Variants in CAST observed in about 807,000 individuals in gnomAD.
CAST encodes calpastatin, also known as MIR583 host.
A neutral mutation model predicts 119.6 loss-of-function variants in CAST; 76 were observed. The observed-to-expected ratio is 0.64, with a 90% CI of 0.53 to 0.77. The LOEUF is 0.77. Among genes scored for constraint, CAST ranks in the 30% least tolerant of loss-of-function variants. CAST has a pLI of 0.00. For missense variants in CAST, 953 were observed against 946.5 expected (o/e 1.01, Z -0.09); for synonymous variants, 319 against 331.6 (o/e 0.96, Z 0.41).
intron 1 of CAST, among the ~76,000 whole-genome samples, chr5:96,665,887 TATAA>T (rs1471802574): frequency 6.6e-6 from 1 of 151,738 alleles, no homozygotes; most frequent in Non-Finnish European, 1.5e-5. Flanking sequence ...TATCTACAGA[TATAA>T]ATACAGATGT....
chr5:96,062,917 A>G, the CAST span, among the ~76,000 whole-genome samples: 9 of 152,128 alleles, frequency 5.9e-5, no homozygotes, highest in African/African-American at 1.9e-4. Flanking sequence ...AGGGTCAAGA[A>G]TGAGGGCTCA....
At chr5:96,398,426 C>G in the CAST span, among the ~76,000 whole-genome samples, 1 of 152,182 alleles carries the variant, frequency 6.6e-6, no homozygotes. Flanking sequence ...ATAAAATGGC[C>G]TTATTCATGT....
chr5:96,500,012 T>C, the CAST span, among the ~76,000 whole-genome samples: 2 of 151,958 alleles, frequency 1.3e-5, no homozygotes, highest in African/African-American at 4.8e-5. Context: ...GAGGGGCGGG[T>C]CCTTGGAGCA....
the CAST span, among the ~76,000 whole-genome samples, chr5:96,292,144 A>G: frequency 1.3e-5 from 2 of 152,180 alleles, no homozygotes; most frequent in East Asian, 3.9e-4. Flanking sequence ...ATATCACTAC[A>G]AACAGAGGCT....
the CAST span, among the ~76,000 whole-genome samples, chr5:96,340,754 C>T: frequency 6.6e-6 from 1 of 152,156 alleles, no homozygotes; most frequent in Non-Finnish European, 1.5e-5. Context: ...CTTGACTTTA[C>T]AAGAAACTTT....
the CAST span, among the ~76,000 whole-genome samples, chr5:95,993,422 G>T: frequency 6.6e-6 from 1 of 152,146 alleles, no homozygotes; most frequent in Non-Finnish European, 1.5e-5. Context: ...GGGACATTTG[G>T]CAATGTCTGG....
rs3797812 is a variant in CAST, at chr5:96,761,523, G to A, written c.1834-751G>A. 18 of 152,162 alleles carry A rather than the reference G, an allele frequency of 1.2e-4. No individual in the cohort carries two copies. In the East Asian group the frequency reaches 3.2e-3, roughly 27 times the overall value. The allele number at this position is 152,162 out of a possible 1,614,324, so 9.4% of individuals were successfully genotyped here. A position where few individuals can be genotyped will look rare whatever the true frequency, so the allele number is the denominator to read the frequency against. On this transcript the variant is annotated intron_variant, in intron 24 of 31. Transcript: ENST00000675179. ...TTTAATGTGCTTTTCTCCATCTTTTGGTAAAATTTGCAATTCTCCTTTTTC... is the reference window on the plus strand; with the variant it reads ...TTTAATGTGCTTTTCTCCATCTTTTAGTAAAATTTGCAATTCTCCTTTTTC...
chr5:96,619,645 T>C (rs1055732346), intron 1 of CAST, among the ~76,000 whole-genome samples: 1 of 152,170 alleles, frequency 6.6e-6, no homozygotes, highest in Non-Finnish European at 1.5e-5. Flanking sequence ...ACAGCTTCAC[T>C]CCTGAAGCCA....
the CAST span, among the ~76,000 whole-genome samples, chr5:95,980,776 C>T: frequency 6.6e-6 from 1 of 152,136 alleles, no homozygotes; most frequent in African/African-American, 2.4e-5. Context: ...GCAGAGAAGG[C>T]ATGTCAGGCA....
At chr5:95,977,140 G>T in the CAST span, among the ~76,000 whole-genome samples, 1 of 152,164 alleles carries the variant, frequency 6.6e-6, no homozygotes, top group Middle Eastern at 3.2e-3. Flanking sequence ...GTACATTTCT[G>T]CTGCTATAAC....
At chr5:96,660,168 T>C (rs2150206614), upstream of CAST, among the ~76,000 whole-genome samples, 1 of 152,206 alleles carries the variant, frequency 6.6e-6, no homozygotes, top group South Asian at 2.1e-4. Flanking sequence ...GGTGAGTGGG[T>C]TCCTCTTTAT....
the CAST span, among the ~76,000 whole-genome samples, chr5:96,370,134 A>G: frequency 6.6e-6 from 1 of 151,426 alleles, no homozygotes; most frequent in Non-Finnish European, 1.5e-5. Context: ...GTATTAATAT[A>G]TTTTATAGTT....
intron 1 of CAST, among the ~76,000 whole-genome samples, chr5:96,572,976 T>C (rs1055296785): frequency 6.6e-6 from 1 of 152,156 alleles, no homozygotes; most frequent in Non-Finnish European, 1.5e-5. Context: ...AAGATAGAAG[T>C]AAACCAGGCA....
the CAST span, among the ~76,000 whole-genome samples, chr5:96,148,798 G>A: frequency 2.0e-5 from 3 of 152,196 alleles, no homozygotes; most frequent in Non-Finnish European, 2.9e-5. Context: ...AACTATACAC[G>A]GAAGACTGTA....
the CAST span, among the ~76,000 whole-genome samples, chr5:96,497,046 C>T: frequency 1.1e-4 from 14 of 123,672 alleles, no homozygotes; most frequent in African/African-American, 3.4e-4. Context: ...GTGTGTGATG[C>T]TCCCCTTCCT....
chr5:96,261,254 T>G, the CAST span, among the ~76,000 whole-genome samples: 1 of 152,246 alleles, frequency 6.6e-6, no homozygotes, highest in African/African-American at 2.4e-5. Flanking sequence ...TGTTCTGCCA[T>G]GGGCAGGTCT....
chr5:96,771,514 G>A (rs1269296374), intron 30 of CAST, 130 bp from the exon 31 acceptor site: 2 of 620,196 alleles, frequency 3.2e-6, no homozygotes, highest in Non-Finnish European at 5.7e-6. Flanking sequence ...AGATGAAGAA[G>A]AGAAACTGAA....
At chr5:96,169,891 T>A in the CAST span, among the ~76,000 whole-genome samples, 6 of 152,054 alleles carry the variant, frequency 3.9e-5, no homozygotes, top group South Asian at 2.1e-4. Context: ...TGGGGATAAT[T>A]AAAAGGAGTG....
chr5:96,506,930 A>G, the CAST span, among the ~76,000 whole-genome samples: 1 of 152,202 alleles, frequency 6.6e-6, no homozygotes, highest in Admixed American at 6.5e-5. Flanking sequence ...TTTGTCCAGG[A>G]GCCAAACTCC....
Sources: allele counts gnomAD v4.1 joint callset (sites outside exome capture counted in the v4.1 genomes callset), GRCh38; gene constraint gnomAD v4.1.1; transcripts MANE v1.5; gene names NCBI Gene and HGNC (gene_info 2026-07-23, HGNC 2026-07-21).